The following DNAH2 variants were observed in gnomAD, a reference collection of about 807,000 sequenced individuals.
DNAH2 encodes the protein dynein axonemal heavy chain 2.
In DNAH2, 323 loss-of-function variants were observed where a neutral mutation model predicts 523.5. That is an observed-to-expected ratio of 0.62 (90% CI 0.56 to 0.68). The LOEUF (loss-of-function observed/expected upper bound fraction) is 0.68, where lower values mean the gene tolerates loss of function less well. DNAH2 is among the 30% of genes least tolerant of loss of function. The pLI, the probability that DNAH2 is intolerant of heterozygous loss-of-function variation, is 0.00. For synonymous variants in DNAH2, 2,093 were observed against 2,177.4 expected, an observed-to-expected ratio of 0.96 and a Z score of 1.08; for missense variants, 4,907 against 5,701.5, an observed-to-expected ratio of 0.86 and a Z score of 4.49.
chr17:7,719,884 C>G lies in DNAH2; in HGVS notation c.150C>G (p.Leu50=). 1.9e-6 allele frequency: 3 copies of G among 1,558,436 alleles called. No individual in the cohort carries two copies. The highest frequency in any genetic ancestry group is 1.2e-5 in the South Asian group (1 of 82,016). Residue 50 remains leucine, a synonymous_variant, in exon 2 of 86, where the codon CTC becomes CTG. Transcript: ENST00000572933. ...AVSEPELQAE[L]PKEEPEPRLE... The stretch of plus-strand genomic sequence containing the variant: ...GTGAGCCAGAGCTGCAGGCTGAGCT[C>G]CCCAAGGAGGAGCCTGGTGGGTACT...
intron 2 of DNAH2, among the ~76,000 whole-genome samples, chr17:7,722,462 C>T (rs2074646002): frequency 6.6e-6 from 1 of 152,134 alleles, no homozygotes; most frequent in Admixed American, 6.5e-5. Flanking sequence ...AAAAGAAAGC[C>T]ACTTTAAGCA....
chr17:7,830,026 CAAAAAAAAAAAA>C (rs546222498), intron 77 of DNAH2, among the ~76,000 whole-genome samples: 1 of 55,250 alleles, frequency 1.8e-5, no homozygotes, highest in African/African-American at 6.2e-5. Flanking sequence ...AACTCCGTCT[CAAAAAAAAAAAA>C]AAAAAAAAAA....
chr17:7,778,358 C>T lies in DNAH2; in HGVS notation c.5430C>T (p.Thr1810=), dbSNP rs758278151. 46 of 1,614,098 alleles carry T rather than the reference C, an allele frequency of 2.8e-5. No individual in the cohort carries two copies. The highest frequency in any genetic ancestry group is 3.3e-4 in the Middle Eastern group (2 of 6,084). The change falls in exon 35 of 86, where the codon ACC becomes ACT. Residue 1810 remains threonine, a synonymous_variant. Transcript: ENST00000572933. ...AAGGCCCTGCAGGCACAGGCAAGAC[C>T]GAGACCGTCAAGGACCTGGGCAAGG... ...SPKGPAGTGK[T]ETVKDLGKAL...
intron 50 of DNAH2, 90 bp downstream of exon 50, chr17:7,796,742 A>T (rs958944967): frequency 7.0e-7 from 1 of 1,418,894 alleles, no homozygotes; most frequent in African/African-American, 1.4e-5. Context: ...ACTCACTAGC[A>T]TGCGCACCAA....
Position 7,778,170 on chromosome 17 carries a change from CT to C in DNAH2, c.5342del (p.Leu1781ArgfsTer7). 1 of 1,614,264 alleles carries C rather than the reference CT, an allele frequency of 6.2e-7. No homozygotes were observed. The highest frequency in any genetic ancestry group is 8.5e-7 in the Non-Finnish European group (1 of 1,180,052). On this transcript the variant is annotated frameshift_variant, in exon 34 of 86. Coordinates refer to ENST00000572933, the MANE Select transcript of DNAH2 (RefSeq NM_020877.5). LOFTEE classifies it high-confidence loss of function. ...CTCGGGCCGGCTCGTCATCACCCCC[CT>C]GACGGACAGGTCTGCCATGTGGGAT... ...GNSGRLVITPLTDRCYMTLTT... is the reference protein window; with the variant it reads ...GNSGRLVITPXTDRCYMTLTT...
At chr17:7,723,820 T>C in intron 3 of DNAH2, 131 bp downstream of exon 3, 1 of 808,380 alleles carries the variant, frequency 1.2e-6, no homozygotes, top group Non-Finnish European at 2.1e-6. Context: ...GCTGTTAGCC[T>C]ACTCACCACA....
At chr17:7,815,568 A>C (rs2077638371) in intron 63 of DNAH2, among the ~76,000 whole-genome samples, 1 of 151,268 alleles carries the variant, frequency 6.6e-6, no homozygotes, top group Non-Finnish European at 1.5e-5. Flanking sequence ...TCATACACAC[A>C]TATACAGGAT....
intron 9 of DNAH2, 37 bp from the exon 10 acceptor site, chr17:7,740,383 G>A: frequency 6.2e-7 from 1 of 1,611,138 alleles, no homozygotes; most frequent in Non-Finnish European, 8.5e-7. Flanking sequence ...GGGCAGGCGA[G>A]GGCACTCAGC....
chr17:7,756,655 A>G (rs1470993626), intron 12 of DNAH2, among the ~76,000 whole-genome samples: 2 of 151,900 alleles, frequency 1.3e-5, no homozygotes, highest in Non-Finnish European at 2.9e-5. Context: ...TATTAATGGG[A>G]TATTTTCTAT....
intron 12 of DNAH2, 126 bp from the exon 13 acceptor site, chr17:7,756,965 C>T: frequency 7.1e-7 from 1 of 1,402,672 alleles, no homozygotes; most frequent in Non-Finnish European, 9.8e-7. Context: ...GCCACCATAC[C>T]AGGCCTCTGC....
In DNAH2 at chr17:7,786,959, A is replaced by T; in HGVS notation, c.6529A>T (p.Asn2177Tyr). 1.2e-6 allele frequency: 2 copies of T among 1,614,244 alleles called. No individual in the cohort carries two copies. Among genetic ancestry groups the T allele is most frequent in the Non-Finnish European group, 1.7e-6 (2 of 1,180,046 alleles). Residue 2177 changes from asparagine to tyrosine, a missense_variant, in exon 42 of 86, where the codon AAC becomes TAC. Around this residue, in one of 3 missense-constraint regions of DNAH2, gnomAD observed 2,806 missense variants for 3,190.8 expected, o/e 0.88. Coordinates refer to ENST00000572933, the MANE Select transcript of DNAH2 (RefSeq NM_020877.5). This position sits in a 1 kb window ranked among gnomAD's most constrained non-coding sequence, Gnocchi z 7.5. ...DGPVDTLWIE[N>Y]MNSVMDDNKV... is the part of the protein sequence containing the mutation. ...CCCCGTGGACACACTGTGGATCGAGAACATGAACTCCGTCATGGACGATAA... is the reference window on the plus strand; with the variant it reads ...CCCCGTGGACACACTGTGGATCGAGTACATGAACTCCGTCATGGACGATAA...
At chr17:7,796,742 A>G in intron 50 of DNAH2, 90 bp downstream of exon 50, 1 of 1,419,012 alleles carries the variant, frequency 7.0e-7, no homozygotes, top group South Asian at 1.4e-5. Context: ...ACTCACTAGC[A>G]TGCGCACCAA....
In DNAH2 at chr17:7,757,186, AC is replaced by A; in HGVS notation, c.2002del (p.Leu668CysfsTer52). On this transcript the variant is annotated frameshift_variant, in exon 13 of 86. Transcript: ENST00000572933. LOFTEE classifies it high-confidence loss of function. ...YVVNVAERAE[D>X]LRILRENLLL... ...GTGAACGTAGCTGAGCGAGCCGAGGACCTGCGCATTCTGCGTGAAAATCTGC... is the reference window on the plus strand; with the variant it reads ...GTGAACGTAGCTGAGCGAGCCGAGGACTGCGCATTCTGCGTGAAAATCTGC... The A allele has an allele frequency of 6.2e-7, 1 of 1,614,232 alleles. No homozygotes were observed. Among genetic ancestry groups the A allele is most frequent in the Non-Finnish European group, 8.5e-7 (1 of 1,180,034 alleles).
Position 7,817,321 on chromosome 17 carries a change from G to A in DNAH2, c.9926G>A (p.Gly3309Glu). ...GLEEDLGYLV[G>E]DCLLAAAFLS... ...GAGGAGGACCTGGGCTACCTGGTGG[G>A]GGACTGTCTCCTGGCAGCTGCCTTC... is the stretch of plus-strand genomic sequence containing the variant. Residue 3309 changes from glycine to glutamate, a missense_variant, in exon 65 of 86, where the codon GGG (glycine) becomes GAG (glutamate). Coordinates refer to ENST00000572933, the MANE Select transcript of DNAH2 (RefSeq NM_020877.5). The A allele has an allele frequency of 6.2e-7, 1 of 1,606,624 alleles. No individual in the cohort carries two copies. The highest frequency in any genetic ancestry group is 8.5e-7 in the Non-Finnish European group (1 of 1,177,964).
At position 7,801,989 on chromosome 17, in the gene DNAH2, T is replaced by C; in HGVS notation, c.8944T>C (p.Tyr2982His). The change falls in exon 58 of 86, where the codon TAC (tyrosine) becomes CAC (histidine). Residue 2982 changes from tyrosine (Y) to histidine (H), a missense_variant. Physicochemically the swap from Tyr to His is moderately conservative, Grantham distance 83. Around this residue, in one of 3 missense-constraint regions of DNAH2, gnomAD observed 1,851 missense variants for 2,139.4 expected, o/e 0.87. Transcript: ENST00000572933. Reference protein sequence around the residue: ...RRHNYVTPTKYLELLSGYKKL... With the variant: ...RRHNYVTPTKHLELLSGYKKL... ...ACACAACTATGTCACACCCACCAAA[T>C]ACCTGGAACTCCTGTCTGGATATAA... 1 of 1,614,012 alleles carries C rather than the reference T, an allele frequency of 6.2e-7. No homozygotes were observed. Among genetic ancestry groups the C allele is most frequent in the Non-Finnish European group, 8.5e-7 (1 of 1,179,932 alleles).
At chr17:7,814,844 C>A (rs1011118131) in intron 63 of DNAH2, among the ~76,000 whole-genome samples, 6 of 152,166 alleles carry the variant, frequency 3.9e-5, no homozygotes, top group African/African-American at 1.4e-4. Context: ...AGCGAGACTC[C>A]GTCTCAAAAC....
At chr17:7,829,260 C>T (rs893955223) in intron 77 of DNAH2, among the ~76,000 whole-genome samples, 1 of 151,866 alleles carries the variant, frequency 6.6e-6, no homozygotes, top group African/African-American at 2.4e-5. Flanking sequence ...GATCTGCCCA[C>T]CTCGGCCTCC....
rs780563390 is a variant in DNAH2, at chr17:7,801,787, G to A, written c.8832+77G>A. The A allele has an allele frequency of 7.8e-4, 1,258 of 1,605,952 alleles. 2 individuals carry two copies. The highest frequency in any genetic ancestry group is 9.6e-4 in the Non-Finnish European group (1,130 of 1,175,140). On this transcript the variant is annotated intron_variant, in intron 57 of 85. Coordinates refer to ENST00000572933, the MANE Select transcript of DNAH2 (RefSeq NM_020877.5). ...GCCTCTCATCTCTCATCGCACCCCC[G>A]GCCTCTCTCCTTCCCGCCTCTCATC...
chr17:7,792,482 C>G (rs1431926950), intron 46 of DNAH2, 139 bp downstream of exon 46: 2 of 1,052,734 alleles, frequency 1.9e-6, no homozygotes, highest in South Asian at 1.4e-5. Flanking sequence ...CTCTTGAGGA[C>G]AGGAAGCGGG....
Sources: allele counts gnomAD v4.1 joint callset (sites outside exome capture counted in the v4.1 genomes callset), GRCh38; gene constraint gnomAD v4.1.1; regional missense constraint gnomAD v4.1.1; non-coding constraint Gnocchi (gnomAD v3.1); transcripts MANE v1.5; gene names NCBI Gene and HGNC (gene_info 2026-07-23, HGNC 2026-07-21).